The following EPS15 variants were observed in gnomAD, a reference collection of about 807,000 sequenced individuals.
The protein encoded by EPS15 is epidermal growth factor receptor substrate 15.
EPS15 carries 72 observed loss-of-function variants against 113.8 expected under a neutral mutation model. That is an observed-to-expected ratio of 0.63 (90% confidence interval 0.52 to 0.77). The LOEUF (loss-of-function observed/expected upper bound fraction) is 0.77, where lower values mean the gene tolerates loss of function less well. Ranked by LOEUF, EPS15 falls within the 30% of genes least tolerant of loss-of-function variation. The probability of loss-of-function intolerance (pLI) is 0.00; values close to 1 mark genes in which losing one functional copy is unlikely to be tolerated. For missense variants in EPS15, 1,048 were observed against 1,045.8 expected (o/e 1.00, Z -0.03); for synonymous variants, 344 against 363.4 (o/e 0.95, Z 0.61).
At chr1:51,503,472 T>C (rs1286999060) in intron 1 of EPS15, among the ~76,000 whole-genome samples, 2 of 151,858 alleles carry the variant, frequency 1.3e-5, no homozygotes, top group African/African-American at 4.8e-5. Flanking sequence ...CTACTAAACA[T>C]CTCTACTAAA....
intron 24 of EPS15, among the ~76,000 whole-genome samples, chr1:51,360,059 T>A (rs186360657): frequency 6.6e-6 from 1 of 152,148 alleles, no homozygotes; most frequent in Admixed American, 6.5e-5. Flanking sequence ...AATGCTGAGA[T>A]TACAGGCGTG....
intron 13 of EPS15, among the ~76,000 whole-genome samples, chr1:51,418,882 T>C (rs1650491450): frequency 6.6e-6 from 1 of 152,152 alleles, no homozygotes; most frequent in African/African-American, 2.4e-5. Flanking sequence ...ACCTAGGAAG[T>C]GGCAGAGCTA....
At chr1:51,499,589 G>C (rs544451997) in intron 1 of EPS15, among the ~76,000 whole-genome samples, 1 of 151,984 alleles carries the variant, frequency 6.6e-6, no homozygotes, top group Admixed American at 6.6e-5. Flanking sequence ...CATGCACAAG[G>C]GTTCCAGTAT....
Position 51,376,587 on chromosome 1 carries a change from C to CTGGGAACT in EPS15, c.2120-10559_2120-10558insAGTTCCCA, listed in dbSNP as rs1216489504. ...GCTGAGGCAGGAGAATTGCTTGAAC[C>CTGGGAACT]TGGGAGGCAGAGGTTGTGGTGAGCT... On this transcript the variant is annotated intron_variant, in intron 21 of 24. Transcript: ENST00000371733. Among the ~76,000 whole-genome samples, 6 of 152,184 alleles carry CTGGGAACT rather than the reference C, an allele frequency of 3.9e-5. No individual in the cohort carries two copies. The East Asian group carries it at 1.2e-3, about 30-fold the overall frequency.
intron 12 of EPS15, among the ~76,000 whole-genome samples, chr1:51,431,493 G>A (rs1322197660): frequency 5.3e-5 from 8 of 151,362 alleles, no homozygotes; most frequent in African/African-American, 1.7e-4. Context: ...TCACCCAGGC[G>A]AGAATGCAGT....
chr1:51,442,939 G>A (rs778867848), intron 11 of EPS15, among the ~76,000 whole-genome samples: 1 of 152,058 alleles, frequency 6.6e-6, no homozygotes, highest in Non-Finnish European at 1.5e-5. Flanking sequence ...TTCAAAAAAG[G>A]ATTAGTCAAA....
At chr1:51,433,691 G>A (rs1032713201) in intron 12 of EPS15, among the ~76,000 whole-genome samples, 1 of 152,210 alleles carries the variant, frequency 6.6e-6, no homozygotes, top group African/African-American at 2.4e-5. Context: ...CTCAGCAAGT[G>A]AACTTACATA....
intron 5 of EPS15, 138 bp from the exon 6 acceptor site, chr1:51,465,464 C>T (rs1654781300): frequency 9.8e-6 from 5 of 509,394 alleles, no homozygotes; most frequent in Non-Finnish European, 1.4e-5. Flanking sequence ...TTTACATTTA[C>T]TAGACCATCT....
chr1:51,396,697 G>A (rs538586217), intron 20 of EPS15, among the ~76,000 whole-genome samples: 1 of 152,206 alleles, frequency 6.6e-6, no homozygotes, highest in South Asian at 2.1e-4. Context: ...GATAGCAGGG[G>A]GAACAGGATA....
chr1:51,368,075 T>A (rs1646547036), intron 21 of EPS15, among the ~76,000 whole-genome samples: 1 of 152,088 alleles, frequency 6.6e-6, no homozygotes, highest in East Asian at 1.9e-4. Context: ...GAGGCTGCAG[T>A]AAGCTGAGAT....
At chr1:51,465,668 G>C (rs1159213798) in intron 5 of EPS15, among the ~76,000 whole-genome samples, 1 of 152,006 alleles carries the variant, frequency 6.6e-6, no homozygotes, top group Non-Finnish European at 1.5e-5. Context: ...GAGTAGCTGG[G>C]ATTACAGGAA....
intron 9 of EPS15, among the ~76,000 whole-genome samples, 165 bp from the exon 10 acceptor site, chr1:51,447,270 T>C (rs1235167806): frequency 6.6e-6 from 1 of 152,154 alleles, no homozygotes; most frequent in Non-Finnish European, 1.5e-5. Flanking sequence ...CAAAATGCTG[T>C]GGGGAAGAGA....
rs1254681862 is a variant in EPS15 at position 51,355,887 on chromosome 1, G to C, written c.*813C>G. 5.1e-6 allele frequency: 1 copy of C among 195,712 alleles called. No individual in the cohort carries two copies. Among genetic ancestry groups the C allele is most frequent in the Non-Finnish European group, 1.1e-5 (1 of 94,514 alleles). 12.1% of individuals were successfully genotyped at this position (195,712 alleles called of 1,614,324 possible). ...ACTTTTGCTTGCCTTATACTGATGG[G>C]TATATTTTAGGTGATAAATTTTCTC... On this transcript the variant is annotated 3_prime_UTR_variant, in exon 25 of 25. Coordinates refer to ENST00000371733, the MANE Select transcript of EPS15 (RefSeq NM_001981.3).
At chr1:51,510,157 T>C (rs917090730) in intron 1 of EPS15, among the ~76,000 whole-genome samples, 6 of 152,304 alleles carry the variant, frequency 3.9e-5, no homozygotes, top group Admixed American at 2.0e-4. Context: ...GTAAGTATTA[T>C]TGTTATTATC....
intron 21 of EPS15, among the ~76,000 whole-genome samples, chr1:51,389,561 T>G (rs1276931882): frequency 6.6e-6 from 1 of 152,234 alleles, no homozygotes; most frequent in East Asian, 1.9e-4. Flanking sequence ...ATTATATATC[T>G]AGAAAACCCC....
intron 13 of EPS15, among the ~76,000 whole-genome samples, chr1:51,416,091 CTCTT>C (rs1650198180): frequency 2.6e-5 from 4 of 152,140 alleles, no homozygotes; most frequent in Admixed American, 2.6e-4. Flanking sequence ...ACCTCTCTCT[CTCTT>C]CCTGCTCTCT....
intron 2 of EPS15, among the ~76,000 whole-genome samples, chr1:51,478,199 C>T (rs567394225): frequency 0.015 from 2,293 of 152,126 alleles, 69 homozygotes; most frequent in African/African-American, 0.052. Flanking sequence ...ATCCCTTTAC[C>T]ATTATGTAAT....
At chr1:51,366,105 C>T in intron 21 of EPS15, 76 bp from the exon 22 acceptor site, 2 of 969,132 alleles carry the variant, frequency 2.1e-6, no homozygotes, top group Non-Finnish European at 3.1e-6. Context: ...CTCACTCTGT[C>T]CACCCAGCCT....
At chr1:51,378,599 C>T (rs925729238) in intron 21 of EPS15, among the ~76,000 whole-genome samples, 1 of 152,190 alleles carries the variant, frequency 6.6e-6, no homozygotes, top group Non-Finnish European at 1.5e-5. Flanking sequence ...AAGAATTTTG[C>T]ATTCTCAGAG....
Sources: allele counts gnomAD v4.1 joint callset (sites outside exome capture counted in the v4.1 genomes callset), GRCh38; gene constraint gnomAD v4.1.1; transcripts MANE v1.5; gene names NCBI Gene and HGNC (gene_info 2026-07-23, HGNC 2026-07-21).